ZNF83: variants seen among roughly 807,000 people sequenced by gnomAD.
ZNF83 encodes zinc finger protein 816B.
For synonymous variants in ZNF83, 209 were observed against 213.0 expected (o/e 0.98, Z 0.17); for missense variants, 552 against 629.9 (o/e 0.88, Z 1.32).
intron 2 of ZNF83, among the ~76,000 whole-genome samples, chr19:52,621,220 AG>A (rs1332460836): frequency 7.2e-5 from 11 of 152,302 alleles, no homozygotes; most frequent in African/African-American, 2.6e-4. Context: ...AACCAGCCCA[AG>A]GAACGTCTCA....
At chr19:52,683,024 C>T (rs1180991985) in intron 1 of ZNF83, among the ~76,000 whole-genome samples, 1 of 152,084 alleles carries the variant, frequency 6.6e-6, no homozygotes, top group African/African-American at 2.4e-5. Context: ...GCATGTGCCA[C>T]CACACCCAGC....
chr19:52,619,675 C>T (rs1202300006), intron 2 of ZNF83, among the ~76,000 whole-genome samples: 1 of 151,370 alleles, frequency 6.6e-6, no homozygotes, highest in Non-Finnish European at 1.5e-5. Flanking sequence ...CCAAGTGACA[C>T]TCAGTATCTA....
intron 2 of ZNF83, among the ~76,000 whole-genome samples, chr19:52,629,771 G>A (rs1279696550): frequency 5.3e-4 from 81 of 151,702 alleles, no homozygotes; most frequent in African/African-American, 1.8e-3. Flanking sequence ...GACCCTAAAA[G>A]GTCAAAAGGC....
Position 52,690,156 on chromosome 19 carries a change from C to G in ZNF83, c.-283+287G>C, listed in dbSNP as rs918740318. On this transcript the variant is annotated intron_variant, in intron 1 of 5. Coordinates refer to the ZNF83 transcript ENST00000594682. ...GGTGAGGACGTTAAAAAGCGCGGGG[C>G]GGGAGGAGTCTGAAAATGATTTTGA... is the stretch of plus-strand genomic sequence containing the variant. Among the ~76,000 whole-genome samples, 104 of 133,398 alleles carry G rather than the reference C, an allele frequency of 7.8e-4. 1 individual carries two copies. The highest frequency in any genetic ancestry group is 2.7e-3 in the African/African-American group (94 of 35,274). The allele number at this position is 133,398 out of a possible 152,430, so 87.5% of individuals were successfully genotyped here. A position where few individuals can be genotyped will look rare whatever the true frequency, so the allele number is the denominator to read the frequency against.
chr19:52,677,456 A>G (rs1048874335), intron 1 of ZNF83, among the ~76,000 whole-genome samples: 6 of 152,020 alleles, frequency 3.9e-5, no homozygotes, highest in African/African-American at 1.4e-4. Flanking sequence ...ACTTCACACC[A>G]GCATGGGTGA....
At chr19:52,648,148 CTTATCT>C (rs1026886027) in intron 3 of ZNF83, among the ~76,000 whole-genome samples, 364 of 118,050 alleles carry the variant, frequency 3.1e-3, no homozygotes, top group Non-Finnish European at 5.4e-3. Flanking sequence ...CTCCTGCTTT[CTTATCT>C]TTTTTTTTTT....
At chr19:52,652,842 G>A (rs2061459909) in intron 3 of ZNF83, 5 of 950,132 alleles carry the variant, frequency 5.3e-6, no homozygotes, top group African/African-American at 1.6e-5. Flanking sequence ...GTCTATGATG[G>A]CATACAAAGG....
At chr19:52,674,137 A>T (rs2061766988) in intron 1 of ZNF83, 1 of 152,202 alleles carries the variant, frequency 6.6e-6, no homozygotes, top group African/African-American at 2.4e-5. Flanking sequence ...CAGGTTAAAA[A>T]GCCCTCAAAT....
chr19:52,681,698 C>CG (rs2061923932), intron 1 of ZNF83, among the ~76,000 whole-genome samples: 1 of 152,108 alleles, frequency 6.6e-6, no homozygotes, highest in African/African-American at 2.4e-5. Context: ...AATATAACCA[C>CG]CTAAGTAAAA....
At chr19:52,651,052 C>A (rs2061435336) in intron 3 of ZNF83, 1 of 152,192 alleles carries the variant, frequency 6.6e-6, no homozygotes, top group Non-Finnish European at 1.5e-5. Context: ...GCTACTTGAA[C>A]TGTGCATGTC....
intron 2 of ZNF83, among the ~76,000 whole-genome samples, chr19:52,627,021 T>C (rs1285969507): frequency 6.6e-6 from 1 of 152,190 alleles, no homozygotes; most frequent in African/African-American, 2.4e-5. Flanking sequence ...CTTTCCATTA[T>C]GACTTGTTCC....
chr19:52,638,842 G>A (rs991457998), upstream of ZNF83, among the ~76,000 whole-genome samples: 2 of 152,176 alleles, frequency 1.3e-5, no homozygotes, highest in Non-Finnish European at 2.9e-5. Flanking sequence ...AACACAGCTG[G>A]GATATGGGCG....
chr19:52,662,139 C>T (rs756290961), intron 1 of ZNF83, among the ~76,000 whole-genome samples: 28 of 152,294 alleles, frequency 1.8e-4, no homozygotes, highest in Non-Finnish European at 3.8e-4. Context: ...TATTTTCTCA[C>T]GCCTTTCATG....
intron 1 of ZNF83, among the ~76,000 whole-genome samples, chr19:52,676,022 C>G (rs527929754): frequency 6.6e-6 from 1 of 152,254 alleles, no homozygotes; most frequent in South Asian, 2.1e-4. Context: ...AACCCTGTCT[C>G]TACTAACAAT....
chr19:52,676,164 G>A (rs2061800393), intron 1 of ZNF83, among the ~76,000 whole-genome samples: 1 of 152,168 alleles, frequency 6.6e-6, no homozygotes, highest in African/African-American at 2.4e-5. Context: ...TATTTTTTTG[G>A]TGGAGACGGG....
chr19:52,637,395 A>C (rs2061186557), intron 1 of ZNF83, among the ~76,000 whole-genome samples: 2 of 151,088 alleles, frequency 1.3e-5, no homozygotes, highest in African/African-American at 4.9e-5. Flanking sequence ...CCTGGCTCCA[A>C]ATCCCTCCTC....
intron 1 of ZNF83, among the ~76,000 whole-genome samples, chr19:52,688,877 A>G (rs2062093373): frequency 6.6e-6 from 1 of 151,738 alleles, no homozygotes; most frequent in South Asian, 2.1e-4. Flanking sequence ...CGGTTACAGG[A>G]TAACGCTGTC....
upstream of ZNF83, among the ~76,000 whole-genome samples, chr19:52,643,327 G>T (rs1055174559): frequency 6.7e-6 from 1 of 149,680 alleles, no homozygotes; most frequent in Non-Finnish European, 1.5e-5. Flanking sequence ...GCACTCACAG[G>T]CTGGACCACA....
chr19:52,665,283 G>A lies in ZNF83; in HGVS notation c.-282-4440C>T. On this transcript the variant is annotated intron_variant, in intron 1 of 5. Transcript: ENST00000594682. ...ACACAGCAGGGATGTGGGTGGGGTG[G>A]TGGGAGCCAGGAGTCCCAGCTACTC... Among the ~76,000 whole-genome samples, 2 of 152,096 alleles carry A rather than the reference G, an allele frequency of 1.3e-5. 1 individual carries two copies.
Sources: gnomAD v4.1 joint callset for allele counts (sites outside exome capture counted in the v4.1 genomes callset) on GRCh38, gnomAD v4.1.1 for gene constraint, MANE v1.5 for transcripts, NCBI Gene and HGNC (gene_info 2026-07-23, HGNC 2026-07-21) for gene names.